The following PRG3 variants were observed in gnomAD, a reference collection of about 807,000 sequenced individuals.
The protein encoded by PRG3 is proteoglycan 3.
In PRG3, 25 loss-of-function variants were observed where a neutral mutation model predicts 26.1. The ratio of observed to expected loss-of-function variants is 0.96; its 90% CI spans 0.70 to 1.34. The LOEUF (loss-of-function observed/expected upper bound fraction) is 1.34, where lower values mean the gene tolerates loss of function less well. Ranked by LOEUF, PRG3 falls within the 40% of genes most tolerant of loss-of-function variation. PRG3 has a pLI of 0.00. For synonymous variants in PRG3, 111 were observed against 100.4 expected (o/e 1.11, Z -0.63); for missense variants, 280 against 264.8 (o/e 1.06, Z -0.40).
intron 2 of PRG3, 72 bp from the exon 3 acceptor site, chr11:57,379,879 C>G: frequency 7.1e-7 from 1 of 1,402,078 alleles, no homozygotes; most frequent in Non-Finnish European, 9.6e-7. Flanking sequence ...GCTCCAGCAA[C>G]GTCGCTCGAG....
At chr11:57,380,325 G>A (rs1389400684) in intron 2 of PRG3, among the ~76,000 whole-genome samples, 1 of 151,946 alleles carries the variant, frequency 6.6e-6, no homozygotes, top group African/African-American at 2.4e-5. Context: ...GCTTGAACCC[G>A]GGAGGCGGAG....
At chr11:57,380,963 C>T (rs536223862) in intron 1 of PRG3, among the ~76,000 whole-genome samples, 151 bp downstream of exon 1, 1 of 152,376 alleles carries the variant, frequency 6.6e-6, no homozygotes, top group Admixed American at 6.5e-5. Context: ...TCTCCAGTAT[C>T]ACCCTTAGCC....
chr11:57,379,915 C>T (rs939680221), intron 2 of PRG3, 108 bp from the exon 3 acceptor site: 1 of 1,038,628 alleles, frequency 9.6e-7, no homozygotes, highest in South Asian at 1.7e-5. Context: ...CACCTGAAGA[C>T]AAGACTGGAG....
chr11:57,379,343 A>T, intron 3 of PRG3, 151 bp downstream of exon 3: 1 of 800,890 alleles, frequency 1.2e-6, no homozygotes, highest in East Asian at 2.5e-5. Flanking sequence ...CGTGCAGGTG[A>T]GGCCCAGAAA....
chr11:57,376,770 G>T lies in PRG3; in HGVS notation c.*80C>A. On this transcript the variant is annotated 3_prime_UTR_variant, in exon 6 of 6. Coordinates refer to ENST00000287143, the MANE Select transcript of PRG3 (RefSeq NM_006093.4). ...AATAAAGAAACGAGAGTCAGGAAAT[G>T]CTGTGGGAAGTCTGGATTTATGAGC... The T allele has an allele frequency of 6.9e-7, 1 of 1,453,330 alleles. No individual in the cohort carries two copies. Among genetic ancestry groups the T allele is most frequent in the Non-Finnish European group, 9.6e-7 (1 of 1,039,482 alleles). 90.0% of individuals were successfully genotyped at this position (1,453,330 alleles called of 1,614,324 possible).
In PRG3 at chr11:57,380,719, T is replaced by C. The variant is rs1171237609; in HGVS notation, c.-11A>G. 2.0e-6 allele frequency: 3 copies of C among 1,533,884 alleles called. No homozygotes were observed. The highest frequency in any genetic ancestry group is 1.4e-5 in the African/African-American group (1 of 70,818). ...CAAGAGGCATTGCATATCTACTGTC[T>C]TTTAGCGAGGACACTACTCCACCGT... On this transcript the variant is annotated 5_prime_UTR_variant, in exon 2 of 6. Transcript: ENST00000287143.
At chr11:57,379,401 T>G in intron 3 of PRG3, 93 bp downstream of exon 3, 1 of 1,292,776 alleles carries the variant, frequency 7.7e-7, no homozygotes, top group Non-Finnish European at 1.1e-6. Flanking sequence ...ATGCGAGGCT[T>G]TGAGAACCAC....
At position 57,379,666 on chromosome 11, in the gene PRG3, G is replaced by A. The variant is rs1461887581; in HGVS notation, c.203C>T (p.Ala68Val). Residue 68 changes from alanine to valine, a missense_variant, in exon 3 of 6, where the codon GCC (alanine) becomes GTC (valine). Physicochemically the swap from Ala to Val is moderately conservative, Grantham distance 64 (BLOSUM62 0). Coordinates refer to ENST00000287143, the MANE Select transcript of PRG3 (RefSeq NM_006093.4). The part of the protein sequence containing the change: ...QAEGEEVKAS[A>V]CQDNFEDEEA... ...CTCATCCTCAAAGTTGTCTTGACAG[G>A]CAGAAGCCTTGACCTCCTCTCCCTC... The A allele has an allele frequency of 1.9e-6, 3 of 1,613,936 alleles. No homozygotes were observed. The highest frequency in any genetic ancestry group is 1.7e-5 in the Admixed American group (1 of 60,006).
Position 57,380,700 on chromosome 11 carries a change from G to A in PRG3, c.9C>T (p.Cys3=). ...GCAGGAGAAAGGGCAGGAGCAAGAG[G>A]CATTGCATATCTACTGTCTTTTAGC... MQ[C]LLLLPFLLLG... Residue 3 remains cysteine, a synonymous_variant, in exon 2 of 6, where the codon TGC becomes TGT. Coordinates refer to ENST00000287143, the MANE Select transcript of PRG3 (RefSeq NM_006093.4). 5 of 1,567,714 alleles carry A rather than the reference G, an allele frequency of 3.2e-6. No individual in the cohort carries two copies. Among genetic ancestry groups the A allele is most frequent in the Non-Finnish European group, 4.3e-6 (5 of 1,162,264 alleles).
chr11:57,378,322 GC>G (rs1156767078), intron 4 of PRG3, among the ~76,000 whole-genome samples: 3 of 152,164 alleles, frequency 2.0e-5, no homozygotes, highest in Non-Finnish European at 4.4e-5. Flanking sequence ...ACTAAGCTGG[GC>G]CTGGACTCTG....
intron 3 of PRG3, 75 bp from the exon 4 acceptor site, chr11:57,378,887 A>G (rs1590651507): frequency 2.5e-6 from 4 of 1,576,902 alleles, no homozygotes; most frequent in African/African-American, 2.7e-5. Flanking sequence ...AGAGCCCGGC[A>G]TCCCTTTTCA....
Position 57,377,735 on chromosome 11 carries a change from T to C in PRG3, c.609A>G (p.Leu203=), listed in dbSNP as rs765724806. ...PGNGQGSCVA[L]CTKGGYWRRA... ...GCCCTTCCCCCTCACCTTTGGTGCA[T>C]AGGGCCACACAGGAGCCTTGCCCAT... Residue 203 remains leucine (L), a synonymous_variant, in exon 5 of 6, where the codon CTA becomes CTG. Coordinates refer to ENST00000287143, the MANE Select transcript of PRG3 (RefSeq NM_006093.4). 1.9e-6 allele frequency: 3 copies of C among 1,612,314 alleles called. No individual in the cohort carries two copies. In the South Asian group the frequency reaches 3.3e-5, roughly 18 times the overall value.
At position 57,379,769 on chromosome 11, in the gene PRG3, C is replaced by G; in HGVS notation, c.100G>C (p.Ala34Pro). The G allele has an allele frequency of 6.2e-7, 1 of 1,613,618 alleles. No homozygotes were observed. Among genetic ancestry groups the G allele is most frequent in the Non-Finnish European group, 8.5e-7 (1 of 1,179,822 alleles). ...APHLESLETQ[A>P]DLGQDLDSSK... ...CTATCCAGATCCTGGCCTAGGTCTG[C>G]CTGTGTCTCTAGGCTCTCCAGATGG... The change falls in exon 3 of 6, where the codon GCA becomes CCA. Residue 34 changes from alanine to proline, a missense_variant. Physicochemically the swap from Ala to Pro is conservative, Grantham distance 27. Transcript: ENST00000287143.
chr11:57,379,453 T>G (rs760796096), intron 3 of PRG3, 41 bp downstream of exon 3: 1 of 1,525,570 alleles, frequency 6.6e-7, no homozygotes, highest in African/African-American at 1.4e-5. Context: ...ATGTACTCTC[T>G]TTTCCCCCAG....
chr11:57,378,598 G>C, intron 4 of PRG3, 83 bp downstream of exon 4: 3 of 1,541,808 alleles, frequency 1.9e-6, no homozygotes, highest in Non-Finnish European at 2.7e-6. Flanking sequence ...CTTAGCTGCT[G>C]GCCTGAGGCT....
Position 57,378,786 on chromosome 11 carries a change from G to A in PRG3, c.402C>T (p.Gly134=). ...TGAAGTCATGGATAGAGACAAGGTT[G>A]CCTCCGTAGCATCTGCTGCAGACAT... is the stretch of plus-strand genomic sequence containing the variant. ...AQNVCSRCYG[G]NLVSIHDFNF... The change falls in exon 4 of 6, where the codon GGC becomes GGT. Residue 134 remains glycine (G), a synonymous_variant. Transcript: ENST00000287143. 1 of 1,613,836 alleles carries A rather than the reference G, an allele frequency of 6.2e-7. No homozygotes were observed. The highest frequency in any genetic ancestry group is 8.5e-7 in the Non-Finnish European group (1 of 1,179,986).
chr11:57,381,039 G>A (rs17151863), intron 1 of PRG3, 75 bp downstream of exon 1: 9,820 of 176,958 alleles, frequency 0.055, 1,059 homozygotes, highest in African/African-American at 0.22. Context: ...GGCCTCCTAC[G>A]TGTTTGCCCT....
At chr11:57,380,420 CA>C (rs948898137) in intron 2 of PRG3, among the ~76,000 whole-genome samples, 358 of 9,044 alleles carry the variant, frequency 0.04, no homozygotes, top group African/African-American at 0.043. Flanking sequence ...AAAAAACAAA[CA>C]AAAAAAAAAA....
rs776221858 is a variant in PRG3 at position 57,379,745 on chromosome 11, T to C, written c.124A>G (p.Ser42Gly). 1 of 1,613,976 alleles carries C rather than the reference T, an allele frequency of 6.2e-7. No homozygotes were observed. The highest frequency in any genetic ancestry group is 2.2e-5 in the East Asian group (1 of 44,886). ...TQADLGQDLD[S>G]SKEQERDLAL... ...AAGTCTCTCTCCTGCTCCTTTGAACTATCCAGATCCTGGCCTAGGTCTGCC... is the reference window on the plus strand; with the variant it reads ...AAGTCTCTCTCCTGCTCCTTTGAACCATCCAGATCCTGGCCTAGGTCTGCC... The change falls in exon 3 of 6, where the codon AGT (serine) becomes GGT (glycine). Residue 42 changes from serine (S) to glycine (G), a missense_variant. By Grantham distance (56) the Ser-to-Gly change is moderately conservative. Coordinates refer to ENST00000287143, the MANE Select transcript of PRG3 (RefSeq NM_006093.4).
Sources: allele counts gnomAD v4.1 joint callset (sites outside exome capture counted in the v4.1 genomes callset), GRCh38; gene constraint gnomAD v4.1.1; transcripts MANE v1.5; gene names NCBI Gene and HGNC (gene_info 2026-07-23, HGNC 2026-07-21).